The following DMD variants were observed in gnomAD, a reference collection of about 807,000 sequenced individuals.
DMD encodes the protein mutant dystrophin.
A neutral mutation model predicts 330.1 loss-of-function variants in DMD; 63 were observed. The observed-to-expected ratio is 0.19, with a 90% confidence interval of 0.16 to 0.24. DMD has a LOEUF of 0.24. Ranked by LOEUF, DMD falls within the 10% of genes least tolerant of loss-of-function variation. The pLI, the probability that DMD is intolerant of heterozygous loss-of-function variation, is 1.00. For missense variants in DMD, 3,344 were observed against 2,684.1 expected (o/e 1.25, Z -5.43); for synonymous variants, 1,223 against 959.8 (o/e 1.27, Z -5.07).
intron 15 of DMD, among the ~76,000 whole-genome samples, chrX:32,570,415 C>G (rs1418448120): frequency 1.9e-5 from 1 of 51,570 alleles, no homozygotes; most frequent in Non-Finnish European, 3.1e-5. Flanking sequence ...TGTTCACAAG[C>G]AAGGTGACAT....
chrX:33,000,667 C>T (rs1390820671), intron 2 of DMD, among the ~76,000 whole-genome samples: 2 of 111,728 alleles, frequency 1.8e-5, no homozygotes, highest in Admixed American at 9.5e-5. Context: ...AAATTCACAA[C>T]GGAATTTAGA....
intron 64 of DMD, among the ~76,000 whole-genome samples, chrX:31,217,769 T>C (rs921517740): frequency 8.9e-6 from 1 of 112,161 alleles, no homozygotes; most frequent in Non-Finnish European, 1.9e-5. Context: ...AATAAAAGGA[T>C]GGGGTGAACT....
intron 1 of DMD, among the ~76,000 whole-genome samples, chrX:33,094,455 G>A (rs1460838555): frequency 9.0e-6 from 1 of 111,679 alleles, no homozygotes; most frequent in Non-Finnish European, 1.9e-5. Context: ...CAGGGAGGAA[G>A]GGTGTCCCAG....
intron 37 of DMD, among the ~76,000 whole-genome samples, chrX:32,357,660 T>TACACACAC (rs3044986): frequency 0.023 from 2,211 of 94,814 alleles, 70 homozygotes; most frequent in African/African-American, 0.071. Context: ...CATACACAGA[T>TACACACAC]ACACACACAC....
At chrX:31,773,003 T>G (rs2090433388) in intron 51 of DMD, among the ~76,000 whole-genome samples, 1 of 111,685 alleles carries the variant, frequency 9.0e-6, no homozygotes, top group Admixed American at 9.5e-5. Flanking sequence ...GGCCTTTAAA[T>G]GCAGGTTGTT....
At chrX:32,572,016 G>A (rs979485770) in intron 15 of DMD, among the ~76,000 whole-genome samples, 7 of 111,551 alleles carry the variant, frequency 6.3e-5, no homozygotes, top group African/African-American at 2.3e-4. Flanking sequence ...TCAGCTGCAG[G>A]CCAAAACTAC....
intron 1 of DMD, among the ~76,000 whole-genome samples, chrX:33,291,383 A>G (rs2053509381): frequency 9.0e-6 from 1 of 110,993 alleles, no homozygotes; most frequent in East Asian, 2.8e-4. Flanking sequence ...CCTATTCAAC[A>G]TAGTATTGGA....
chrX:31,998,160 T>G (rs2095602249), intron 44 of DMD, among the ~76,000 whole-genome samples: 1 of 111,749 alleles, frequency 8.9e-6, no homozygotes, highest in Non-Finnish European at 1.9e-5. Context: ...GGAAGAAACG[T>G]ATAAATCAGC....
intron 51 of DMD, among the ~76,000 whole-genome samples, chrX:31,743,562 G>T (rs2087548960): frequency 8.9e-6 from 1 of 111,998 alleles, no homozygotes; most frequent in African/African-American, 3.2e-5. Flanking sequence ...GGATGCAGCT[G>T]GAGGCCATTA....
intron 17 of DMD, among the ~76,000 whole-genome samples, chrX:32,540,296 T>G (rs1395147379): frequency 9.0e-6 from 1 of 111,390 alleles, no homozygotes; most frequent in Non-Finnish European, 1.9e-5. Context: ...ATCAGACACT[T>G]TTGCAAATCT....
chrX:31,680,377 CTT>C (rs1188303470), intron 52 of DMD, among the ~76,000 whole-genome samples: 3 of 103,433 alleles, frequency 2.9e-5, no homozygotes, highest in Non-Finnish European at 2.0e-5. Flanking sequence ...CTTTTTCTTT[CTT>C]TTTTTTTTTT....
At chrX:32,134,965 G>T (rs556824208) in intron 44 of DMD, among the ~76,000 whole-genome samples, 11 of 111,703 alleles carry the variant, frequency 9.8e-5, no homozygotes, top group Middle Eastern at 4.6e-3. Flanking sequence ...TGTAGTAGGG[G>T]TCTATTTTTA....
chrX:31,638,587 C>T (rs757766470), intron 54 of DMD, among the ~76,000 whole-genome samples: 8 of 112,473 alleles, frequency 7.1e-5, no homozygotes, highest in Admixed American at 4.7e-4. Flanking sequence ...TTGTCAAATG[C>T]CCAGATGAAA....
intron 61 of DMD, among the ~76,000 whole-genome samples, chrX:31,324,615 C>T (rs2056648649): frequency 9.0e-6 from 1 of 111,161 alleles, no homozygotes; most frequent in Non-Finnish European, 1.9e-5. Context: ...TTATCAGAAA[C>T]AGAAATAAAA....
intron 7 of DMD, among the ~76,000 whole-genome samples, chrX:32,700,535 C>A (rs181952152): frequency 9.0e-6 from 1 of 110,638 alleles, no homozygotes; most frequent in African/African-American, 3.3e-5. Flanking sequence ...AAAATTGCTG[C>A]GAGAGTAGAT....
At chrX:31,732,971 T>A (rs1269036460) in intron 51 of DMD, among the ~76,000 whole-genome samples, 5 of 111,517 alleles carry the variant, frequency 4.5e-5, no homozygotes, top group Non-Finnish European at 5.7e-5. Context: ...GGATCGTGTC[T>A]ACATGGATTC....
intron 2 of DMD, among the ~76,000 whole-genome samples, chrX:32,975,337 T>TA (rs1422179521): frequency 1.1e-5 from 1 of 93,424 alleles, no homozygotes; most frequent in East Asian, 3.4e-4. Flanking sequence ...TTTTAAACTT[T>TA]AAAAAATGCT....
At chrX:32,407,651 C>G (rs1370007760) in intron 30 of DMD, among the ~76,000 whole-genome samples, 1 of 110,708 alleles carries the variant, frequency 9.0e-6, no homozygotes, top group Non-Finnish European at 1.9e-5. Context: ...ATAAATCATG[C>G]TGCTATAAAG....
chrX:31,410,921 GTTTT>G (rs758238229), intron 60 of DMD, among the ~76,000 whole-genome samples: 1 of 59,802 alleles, frequency 1.7e-5, no homozygotes, highest in Non-Finnish European at 2.9e-5. Context: ...CTGTGTGTGT[GTTTT>G]TTTTTTTTTT....
Sources: allele counts gnomAD v4.1 joint callset (sites outside exome capture counted in the v4.1 genomes callset), GRCh38; gene constraint gnomAD v4.1.1; transcripts MANE v1.5; gene names NCBI Gene and HGNC (gene_info 2026-07-23, HGNC 2026-07-21).